PRICKLE4: variants seen among roughly 807,000 people sequenced by gnomAD.
The protein encoded by PRICKLE4 is prickle-like protein 4.
PRICKLE4 carries 40 observed loss-of-function variants against 43.5 expected under a neutral mutation model. That is an observed-to-expected ratio of 0.92 (90% CI 0.71 to 1.20). The LOEUF (loss-of-function observed/expected upper bound fraction) is 1.20, where lower values mean the gene tolerates loss of function less well. Ranked by LOEUF, PRICKLE4 falls within the 50% of genes most tolerant of loss-of-function variation. The pLI is 0.00. For synonymous variants in PRICKLE4, 208 were observed against 197.4 expected, an observed-to-expected ratio of 1.05 and a Z score of -0.45; for missense variants, 527 against 491.2, an observed-to-expected ratio of 1.07 and a Z score of -0.69.
rs1453627335 is a variant in PRICKLE4 at position 41,781,346 on chromosome 6, C to G, written c.-183-4C>G. On this transcript the variant is annotated splice_region_variant and splice_polypyrimidine_tract_variant and intron_variant, in intron 1 of 7. Transcript: ENST00000458694. The stretch of plus-strand genomic sequence containing the variant: ...TCTGTGTTGGACAATTCTATGCAAA[C>G]TAGAGCCAAAATGGAAGAGGGTGCA... The G allele has an allele frequency of 1.3e-5, 2 of 152,892 alleles. No individual in the cohort carries two copies. The highest frequency in any genetic ancestry group is 2.9e-5 in the Non-Finnish European group (2 of 68,268). The allele number at this position is 152,892 out of a possible 1,614,324, so 9.5% of individuals were successfully genotyped here.
In PRICKLE4 at chr6:41,783,556, G is replaced by C; in HGVS notation, c.83G>C (p.Ser28Thr). 1 of 1,613,758 alleles carries C rather than the reference G, an allele frequency of 6.2e-7. No homozygotes were observed. The highest frequency in any genetic ancestry group is 8.5e-7 in the Non-Finnish European group (1 of 1,179,860). ...QDPGPPANSDSDSGHLPGEDP... is the reference protein window; with the variant it reads ...QDPGPPANSDTDSGHLPGEDP... ...CCAGGTCCACCAGCCAACTCAGACA[G>C]TGACTCAGGCCACCTGCCGGGGGAG... Residue 28 changes from serine (S) to threonine (T), a missense_variant, in exon 3 of 8, where the codon AGT becomes ACT. Coordinates refer to ENST00000458694, the MANE Select transcript of PRICKLE4 (RefSeq NM_013397.6).
chr6:41,783,353 GT>G, intron 2 of PRICKLE4, 108 bp from the exon 3 acceptor site: 1 of 1,162,374 alleles, frequency 8.6e-7, no homozygotes, highest in South Asian at 2.1e-5. Context: ...TACCTAAGTC[GT>G]TTGGGTGTTG....
At position 41,784,251 on chromosome 6, in the gene PRICKLE4, TC is replaced by T; in HGVS notation, c.240+17del. On this transcript the variant is annotated intron_variant, in intron 4 of 7. Coordinates refer to ENST00000458694, the MANE Select transcript of PRICKLE4 (RefSeq NM_013397.6). The stretch of plus-strand genomic sequence containing the variant: ...GCAGGACATTGATGTGGGTCTCCTC[TC>T]CCCATCTTCCCTCTCTTGCCTTTCC... 6.4e-7 allele frequency: 1 copy of T among 1,556,954 alleles called. No homozygotes were observed. Among genetic ancestry groups the T allele is most frequent in the Non-Finnish European group, 8.8e-7 (1 of 1,137,636 alleles).
At chr6:41,782,838 C>T (rs1581977276) in intron 2 of PRICKLE4, among the ~76,000 whole-genome samples, 1 of 152,140 alleles carries the variant, frequency 6.6e-6, no homozygotes, top group African/African-American at 2.4e-5. Context: ...AACTTATAGA[C>T]TAGATTAGGA....
chr6:41,786,334 T>A lies in PRICKLE4; in HGVS notation c.787+2T>A, dbSNP rs780297293. 8 of 1,556,378 alleles carry A rather than the reference T, an allele frequency of 5.1e-6. No individual in the cohort carries two copies. Among genetic ancestry groups the A allele is most frequent in the Non-Finnish European group, 7.0e-6 (8 of 1,150,676 alleles). On this transcript the variant is annotated splice_donor_variant, in intron 7 of 7. Coordinates refer to ENST00000458694, the MANE Select transcript of PRICKLE4 (RefSeq NM_013397.6). LOFTEE classifies it high-confidence loss of function. ...CACTGGAAGGGCAGGCATTCCTTGG[T>A]AAGGGAGAGGATGCAGAGCAAAGCG...
At position 41,786,888 on chromosome 6, in the gene PRICKLE4, C is replaced by G; in HGVS notation, c.914C>G (p.Ser305Cys). The change falls in exon 8 of 8, where the codon TCC becomes TGC. Residue 305 changes from serine to cysteine, a missense_variant. Ser to Cys is a moderately radical substitution (Grantham distance 112). Transcript: ENST00000458694. ...SLQTQRGLPG[S>C]SPQQENRPGD... ...CAAACTCAGAGGGGGCTGCCTGGAT[C>G]CAGTCCCCAGCAGGAGAACCGACCT... The G allele has an allele frequency of 6.2e-7, 1 of 1,610,088 alleles. No homozygotes were observed. The highest frequency in any genetic ancestry group is 8.5e-7 in the Non-Finnish European group (1 of 1,177,424).
rs771731901 is a variant in PRICKLE4, at chr6:41,784,106, C to G, written c.133-25C>G. ...AGGAAAGAAAAACCTAGTTTCACTC[C>G]TCCCCTTCTTCCATGTCTCCTCAGG... On this transcript the variant is annotated intron_variant, in intron 3 of 7. Coordinates refer to ENST00000458694, the MANE Select transcript of PRICKLE4 (RefSeq NM_013397.6). The G allele has an allele frequency of 1.4e-5, 21 of 1,541,812 alleles. No individual in the cohort carries two copies. In the Admixed American group the frequency reaches 3.9e-4, roughly 28 times the overall value.
At chr6:41,786,661 G>A in intron 7 of PRICKLE4, 101 bp from the exon 8 acceptor site, 2 of 1,572,092 alleles carry the variant, frequency 1.3e-6, no homozygotes, top group Non-Finnish European at 1.7e-6. Flanking sequence ...CACGGCCCAG[G>A]GGCTGGGCGG....
In PRICKLE4 at chr6:41,785,379, G is replaced by A. The variant is rs546893502; in HGVS notation, c.421G>A (p.Ala141Thr). 1.4e-5 allele frequency: 23 copies of A among 1,614,146 alleles called. No individual in the cohort carries two copies. The East Asian group carries it at 4.7e-4, about 33-fold the overall frequency. Residue 141 changes from alanine (A) to threonine (T), a missense_variant, in exon 6 of 8, where the codon GCC becomes ACC. Coordinates refer to ENST00000458694, the MANE Select transcript of PRICKLE4 (RefSeq NM_013397.6). ...GCCAGGGGAGTACGGAGTGTTTGCAGCCCGGGCAGGGGAACAGCGCTGCTG... is the reference window on the plus strand; with the variant it reads ...GCCAGGGGAGTACGGAGTGTTTGCAACCCGGGCAGGGGAACAGCGCTGCTG... ...LKPGEYGVFA[A>T]RAGEQRCWHQ...
chr6:41,787,222 G>A lies in PRICKLE4; in HGVS notation c.*93G>A. 6.8e-7 allele frequency: 1 copy of A among 1,461,680 alleles called. No individual in the cohort carries two copies. The highest frequency in any genetic ancestry group is 9.0e-7 in the Non-Finnish European group (1 of 1,111,560). The allele number at this position is 1,461,680 out of a possible 1,614,324, so 90.5% of individuals were successfully genotyped here. A position where few individuals can be genotyped will look rare whatever the true frequency, so the allele number is the denominator to read the frequency against. On this transcript the variant is annotated 3_prime_UTR_variant, in exon 8 of 8. Transcript: ENST00000458694. ...CCTCCCCCTAACAATCCTAGACTGA[G>A]ACGCAGTCAGGCGCACGCCCGCAAG... is the stretch of plus-strand genomic sequence containing the variant.
At chr6:41,786,630 C>G in intron 7 of PRICKLE4, 132 bp from the exon 8 acceptor site, 2 of 1,430,604 alleles carry the variant, frequency 1.4e-6, no homozygotes, top group Non-Finnish European at 1.9e-6. Context: ...GGCGAGGACT[C>G]TCGGCGGCGG....
Position 41,787,129 on chromosome 6 carries a change from G to A in PRICKLE4, c.1155G>A (p.Ter385=), listed in dbSNP as rs140206688. The A allele has an allele frequency of 6.3e-7, 1 of 1,599,776 alleles. No homozygotes were observed. Among genetic ancestry groups the A allele is most frequent in the African/African-American group, 1.3e-5 (1 of 74,730 alleles). Reference sequence around the variant, plus strand: ...CTAAGACGCACTGCACCATGTGCTAGTGGCGCAGCTCAGAGAGGGGATGTG... The same window carrying A: ...CTAAGACGCACTGCACCATGTGCTAATGGCGCAGCTCAGAGAGGGGATGTG... ...NASKTHCTMC[*] is the part of the protein sequence containing the mutation. Residue 385 remains the stop codon, a stop_retained_variant, in exon 8 of 8, where the codon TAG becomes TAA. Coordinates refer to ENST00000458694, the MANE Select transcript of PRICKLE4 (RefSeq NM_013397.6).
intron 6 of PRICKLE4, among the ~76,000 whole-genome samples, 155 bp from the exon 7 acceptor site, chr6:41,785,973 A>G (rs1462342504): frequency 6.6e-6 from 1 of 152,218 alleles, no homozygotes; most frequent in Non-Finnish European, 1.5e-5. Flanking sequence ...GGCTAAGCCA[A>G]TCAGTCCTCC....
At chr6:41,786,432 C>T (rs1284725525) in intron 7 of PRICKLE4, 100 bp downstream of exon 7, 2 of 1,355,078 alleles carry the variant, frequency 1.5e-6, no homozygotes, top group African/African-American at 2.9e-5. Context: ...GCCGTCCCGT[C>T]CCTCCAGGAG....
intron 3 of PRICKLE4, 67 bp from the exon 4 acceptor site, chr6:41,784,064 G>T: frequency 8.2e-7 from 1 of 1,218,510 alleles, no homozygotes; most frequent in South Asian, 1.4e-5. Context: ...GCAATGATGA[G>T]GGGGAAAGAA....
At position 41,786,885 on chromosome 6, in the gene PRICKLE4, G is replaced by A; in HGVS notation, c.911G>A (p.Gly304Glu). ...SSLQTQRGLPGSSPQQENRPG... is the reference protein window; with the variant it reads ...SSLQTQRGLPESSPQQENRPG... ...CTGCAAACTCAGAGGGGGCTGCCTG[G>A]ATCCAGTCCCCAGCAGGAGAACCGA... Residue 304 changes from glycine (G) to glutamate (E), a missense_variant, in exon 8 of 8, where the codon GGA becomes GAA. Gly to Glu is a moderately conservative substitution (Grantham distance 98). Transcript: ENST00000458694. 6.2e-7 allele frequency: 1 copy of A among 1,609,452 alleles called. No individual in the cohort carries two copies. Among genetic ancestry groups the A allele is most frequent in the East Asian group, 2.2e-5 (1 of 44,822 alleles).
chr6:41,786,965 A>T lies in PRICKLE4; in HGVS notation c.991A>T (p.Ile331Phe), dbSNP rs1581980568. ...KGQEQCRLET[I>F]RDPKDTPFST... ...GCAGGAGCAATGCCGCCTGGAGACT[A>T]TTCGTGATCCCAAGGACACCCCTTT... The change falls in exon 8 of 8, where the codon ATT (isoleucine) becomes TTT (phenylalanine). Residue 331 changes from isoleucine (I) to phenylalanine (F), a missense_variant. Transcript: ENST00000458694. 6.2e-7 allele frequency: 1 copy of T among 1,614,016 alleles called. No individual in the cohort carries two copies. The highest frequency in any genetic ancestry group is 2.2e-5 in the East Asian group (1 of 44,868).
chr6:41,783,181 T>G (rs1772581215), intron 2 of PRICKLE4, among the ~76,000 whole-genome samples: 2 of 152,026 alleles, frequency 1.3e-5, no homozygotes, highest in Admixed American at 1.3e-4. Flanking sequence ...TCCTCTTACC[T>G]CCATCCTGAT....
In PRICKLE4 at chr6:41,786,312, T is replaced by C. The variant is rs1006088554; in HGVS notation, c.767T>C (p.Leu256Pro). The C allele has an allele frequency of 3.2e-6, 5 of 1,569,052 alleles. No homozygotes were observed. Among genetic ancestry groups the C allele is most frequent in the Admixed American group, 1.8e-5 (1 of 56,544 alleles). Residue 256 changes from leucine (L) to proline (P), a missense_variant, in exon 7 of 8, where the codon CTG becomes CCG. Leu to Pro is a moderately conservative substitution (Grantham distance 98). Coordinates refer to ENST00000458694, the MANE Select transcript of PRICKLE4 (RefSeq NM_013397.6). ...SDAGSSWAGALEGQAFLGETG... is the reference protein window; with the variant it reads ...SDAGSSWAGAPEGQAFLGETG... ...GCAGGCTCGAGCTGGGCCGGGGCAC[T>C]GGAAGGGCAGGCATTCCTTGGTAAG... is the stretch of plus-strand genomic sequence containing the variant.
Sources: gnomAD v4.1 joint callset for allele counts (sites outside exome capture counted in the v4.1 genomes callset) on GRCh38, gnomAD v4.1.1 for gene constraint, MANE v1.5 for transcripts, NCBI Gene and HGNC (gene_info 2026-07-23, HGNC 2026-07-21) for gene names.